Variants in TBC1D22A observed in about 807,000 individuals in gnomAD.
TBC1D22A encodes the protein TBC1 domain family member 22A.
TBC1D22A carries 38 observed loss-of-function variants against 60.2 expected under a neutral mutation model. That is an observed-to-expected ratio of 0.63 (90% CI 0.49 to 0.83). TBC1D22A has a LOEUF of 0.83. Among genes scored for constraint, TBC1D22A ranks in the 40% least tolerant of loss-of-function variants. TBC1D22A has a pLI of 0.00. For missense variants in TBC1D22A, 628 were observed against 701.0 expected (o/e 0.90, Z 1.18); for synonymous variants, 302 against 281.7 (o/e 1.07, Z -0.72).
At chr22:46,997,756 G>A in intron 10 of TBC1D22A, 47 bp downstream of exon 10, 1 of 1,578,648 alleles carries the variant, frequency 6.3e-7, no homozygotes. Context: ...GGGGGGAGGT[G>A]GCCCTCAGCC....
At chr22:46,768,222 C>T (rs801633) in intron 1 of TBC1D22A, 4,888 of 152,458 alleles carry the variant, frequency 0.032, 99 homozygotes, top group African/African-American at 0.051. Context: ...CGGTGGCTCA[C>T]GCCGGTAATC....
intron 11 of TBC1D22A, among the ~76,000 whole-genome samples, chr22:47,060,012 C>G (rs532824868): frequency 6.6e-6 from 1 of 152,108 alleles, no homozygotes; most frequent in African/African-American, 2.4e-5. Flanking sequence ...ATGACATGGC[C>G]GTCCTCCTGT....
chr22:47,146,322 A>ACT (rs894760612), intron 12 of TBC1D22A, among the ~76,000 whole-genome samples: 13 of 151,936 alleles, frequency 8.6e-5, no homozygotes, highest in African/African-American at 2.9e-4. Flanking sequence ...GGGTTGATGA[A>ACT]CTCTCTCTCT....
intron 11 of TBC1D22A, among the ~76,000 whole-genome samples, chr22:47,044,753 G>A (rs993431467): frequency 3.9e-5 from 6 of 152,218 alleles, no homozygotes; most frequent in African/African-American, 7.2e-5. Context: ...CTGGAAGAGG[G>A]GTGTATCTAT....
At position 47,090,019 on chromosome 22, in the gene TBC1D22A, C is replaced by T. The variant is rs116620022; in HGVS notation, c.1330-21489C>T. Among the ~76,000 whole-genome samples, 391 of 152,296 alleles carry T rather than the reference C, an allele frequency of 2.6e-3. 4 individuals carry two copies. Among genetic ancestry groups the T allele is most frequent in the African/African-American group, 8.1e-3 (335 of 41,568 alleles). ...AACTTTGGCGTGGCATTCGCTCACC[C>T]TCTGGATGTCTGTATCATTTCCCCG... On this transcript the variant is annotated intron_variant, in intron 11 of 12. Coordinates refer to ENST00000337137, the MANE Select transcript of TBC1D22A (RefSeq NM_014346.5).
At chr22:47,018,491 C>T (rs1208610694) in intron 10 of TBC1D22A, among the ~76,000 whole-genome samples, 4 of 152,282 alleles carry the variant, frequency 2.6e-5, no homozygotes, top group Non-Finnish European at 5.9e-5. Context: ...CCGTTCGGCT[C>T]GGCTGTCCTG....
intron 11 of TBC1D22A, among the ~76,000 whole-genome samples, chr22:47,065,721 A>G (rs1165337747): frequency 2.0e-5 from 1 of 49,384 alleles, no homozygotes; most frequent in Non-Finnish European, 3.5e-5. Flanking sequence ...CAAAGTTCTA[A>G]GGTCTAGAAG....
chr22:47,035,185 C>G (rs1305814108), intron 10 of TBC1D22A, among the ~76,000 whole-genome samples: 1 of 152,232 alleles, frequency 6.6e-6, no homozygotes, highest in Non-Finnish European at 1.5e-5. Context: ...GCCCTGCAGG[C>G]TGCTCTGCTG....
chr22:47,010,940 C>T (rs1048117096), intron 10 of TBC1D22A, among the ~76,000 whole-genome samples: 2 of 152,212 alleles, frequency 1.3e-5, no homozygotes, highest in Non-Finnish European at 2.9e-5. Flanking sequence ...TGGCCTTGGG[C>T]TGCTGCGGGG....
chr22:47,155,915 A>G (rs544660691), intron 12 of TBC1D22A, among the ~76,000 whole-genome samples: 1 of 152,344 alleles, frequency 6.6e-6, no homozygotes, highest in South Asian at 2.1e-4. Context: ...AAAATAAGGT[A>G]AATAAGGATG....
At chr22:46,991,145 C>G (rs531056632) in intron 9 of TBC1D22A, among the ~76,000 whole-genome samples, 1 of 152,300 alleles carries the variant, frequency 6.6e-6, no homozygotes. Context: ...AGCCCTTCCT[C>G]TCTCCATTTC....
At chr22:46,883,868 T>C (rs910270212) in intron 5 of TBC1D22A, among the ~76,000 whole-genome samples, 1 of 152,218 alleles carries the variant, frequency 6.6e-6, no homozygotes, top group Non-Finnish European at 1.5e-5. Flanking sequence ...TCTCTTTCTC[T>C]CCACCTCTGT....
intron 8 of TBC1D22A, among the ~76,000 whole-genome samples, chr22:46,942,313 T>G (rs2147956773): frequency 6.6e-6 from 1 of 152,226 alleles, no homozygotes; most frequent in Admixed American, 6.5e-5. Flanking sequence ...GTTCTGTATT[T>G]GGGTGAAAAG....
intron 10 of TBC1D22A, among the ~76,000 whole-genome samples, chr22:47,026,533 T>A (rs738999): frequency 0.24 from 36,123 of 152,126 alleles, 4,615 homozygotes; most frequent in East Asian, 0.29. Flanking sequence ...AAAAAGCTAC[T>A]AGAAAGAACA....
intron 7 of TBC1D22A, among the ~76,000 whole-genome samples, chr22:46,902,967 GAA>G (rs2069114165): frequency 6.6e-6 from 1 of 151,090 alleles, no homozygotes; most frequent in Non-Finnish European, 1.5e-5. Flanking sequence ...AAGAATTGGA[GAA>G]GACAGCCCGA....
At chr22:46,948,120 G>A (rs1314508757) in intron 8 of TBC1D22A, among the ~76,000 whole-genome samples, 2 of 152,220 alleles carry the variant, frequency 1.3e-5, no homozygotes, top group African/African-American at 4.8e-5. Flanking sequence ...GCGAACAGGA[G>A]AGATTTGCAA....
intron 7 of TBC1D22A, among the ~76,000 whole-genome samples, chr22:46,911,390 A>T (rs1470784390): frequency 1.3e-5 from 2 of 152,218 alleles, no homozygotes; most frequent in East Asian, 3.8e-4. Flanking sequence ...TAGAGCATCC[A>T]CCCACCCACC....
chr22:46,826,049 A>G (rs2086046327), intron 4 of TBC1D22A, among the ~76,000 whole-genome samples: 1 of 151,960 alleles, frequency 6.6e-6, no homozygotes, highest in South Asian at 2.1e-4. Flanking sequence ...CGCCTGGCTA[A>G]TTTTTTGTAT....
intron 8 of TBC1D22A, among the ~76,000 whole-genome samples, chr22:46,965,069 C>A (rs1238089140): frequency 6.6e-6 from 1 of 152,224 alleles, no homozygotes; most frequent in Non-Finnish European, 1.5e-5. Context: ...CTGTAAGTGG[C>A]TCCAACCAAA....
Sources: gnomAD v4.1 joint callset for allele counts (sites outside exome capture counted in the v4.1 genomes callset) on GRCh38, gnomAD v4.1.1 for gene constraint, MANE v1.5 for transcripts, NCBI Gene and HGNC (gene_info 2026-07-23, HGNC 2026-07-21) for gene names.